Variants in ZMAT1 observed in about 807,000 individuals in gnomAD.
The protein encoded by ZMAT1 is zinc finger matrin-type 1.
Under a neutral mutation model 18.5 loss-of-function variants are expected in ZMAT1, and 11 were observed. The ratio of observed to expected loss-of-function variants is 0.59; its 90% confidence interval spans 0.37 to 0.98. The LOEUF (loss-of-function observed/expected upper bound fraction) is 0.98, where lower values mean the gene tolerates loss of function less well. ZMAT1 is among the 50% of genes least tolerant of loss of function. The probability of loss-of-function intolerance (pLI) is 0.01; values close to 1 mark genes in which losing one functional copy is unlikely to be tolerated. For missense variants in ZMAT1, 525 were observed against 496.2 expected, an observed-to-expected ratio of 1.06 and a Z score of -0.55; for synonymous variants, 211 against 176.4, an observed-to-expected ratio of 1.20 and a Z score of -1.55.
chrX:101,911,315 A>G (rs1268319818), intron 1 of ZMAT1, among the ~76,000 whole-genome samples: 1 of 112,067 alleles, frequency 8.9e-6, no homozygotes, highest in African/African-American at 3.2e-5. Flanking sequence ...AGGGACATTA[A>G]TGAGCAATAA....
At chrX:101,910,503 TGAG>T (rs1324097516) in intron 1 of ZMAT1, among the ~76,000 whole-genome samples, 1 of 112,648 alleles carries the variant, frequency 8.9e-6, no homozygotes, top group Non-Finnish European at 1.9e-5. Flanking sequence ...GTAGCTGTGT[TGAG>T]GAAACTCAAA....
chrX:101,911,914 T>C (rs1839082524), intron 1 of ZMAT1: 4 of 1,206,869 alleles, frequency 3.3e-6, no homozygotes, highest in Non-Finnish European at 4.5e-6. Flanking sequence ...AAAAGTCCCA[T>C]GGGTGTCACG....
intron 1 of ZMAT1, among the ~76,000 whole-genome samples, chrX:101,928,319 T>G (rs1930178341): frequency 1.8e-5 from 2 of 112,646 alleles, no homozygotes; most frequent in African/African-American, 6.5e-5. Flanking sequence ...CAATAAATGA[T>G]TCCTGAATAC....
At chrX:101,925,841 A>G (rs1930022570) in intron 1 of ZMAT1, among the ~76,000 whole-genome samples, 1 of 112,299 alleles carries the variant, frequency 8.9e-6, no homozygotes, top group Non-Finnish European at 1.9e-5. Context: ...TGTGGTGAGG[A>G]GCCTGTCCTA....
intron 4 of ZMAT1, chrX:101,888,603 T>C (rs761142566): frequency 1.2e-4 from 13 of 112,268 alleles, no homozygotes; most frequent in Non-Finnish European, 2.3e-4. Flanking sequence ...CAGCCACTGT[T>C]GAGCACTTGC....
At chrX:101,890,850 T>C (rs927293158) in intron 4 of ZMAT1, among the ~76,000 whole-genome samples, 2 of 111,224 alleles carry the variant, frequency 1.8e-5, no homozygotes, top group African/African-American at 6.5e-5. Flanking sequence ...GAAAAAAGCA[T>C]AGACGTGCTT....
At chrX:101,927,161 C>A (rs1930104776) in intron 1 of ZMAT1, among the ~76,000 whole-genome samples, 1 of 112,405 alleles carries the variant, frequency 8.9e-6, no homozygotes, top group Non-Finnish European at 1.9e-5. Flanking sequence ...TTAAAAAAAA[C>A]TGACTTGACC....
intron 1 of ZMAT1, among the ~76,000 whole-genome samples, chrX:101,930,212 G>C (rs998606590): frequency 1.8e-5 from 2 of 111,867 alleles, no homozygotes; most frequent in East Asian, 2.8e-4. Context: ...CAGACGATGA[G>C]AGCCAAATTG....
intron 1 of ZMAT1, among the ~76,000 whole-genome samples, chrX:101,914,009 G>C (rs1929134441): frequency 9.0e-6 from 1 of 111,339 alleles, no homozygotes; most frequent in Non-Finnish European, 1.9e-5. Context: ...AACCACAATG[G>C]AATAAAACTA....
intron 4 of ZMAT1, among the ~76,000 whole-genome samples, chrX:101,897,542 T>C (rs1160650064): frequency 2.0e-5 from 2 of 101,765 alleles, no homozygotes; most frequent in African/African-American, 3.6e-5. Context: ...AAAGTGTCTA[T>C]CTAAAAAAAA....
chrX:101,893,604 C>T (rs941781970), intron 4 of ZMAT1, among the ~76,000 whole-genome samples: 2 of 111,590 alleles, frequency 1.8e-5, no homozygotes, highest in African/African-American at 6.5e-5. Context: ...TTGAAGTGGT[C>T]CTATTTCTGT....
At chrX:101,888,071 CATGATTCA>C (rs1927093551) in intron 4 of ZMAT1, 1 of 111,711 alleles carries the variant, frequency 9.0e-6, no homozygotes. Flanking sequence ...CCCTGGAGAA[CATGATTCA>C]ATGTTTCTAG....
intron 1 of ZMAT1, among the ~76,000 whole-genome samples, chrX:101,912,900 T>C (rs1377284661): frequency 8.9e-6 from 1 of 112,206 alleles, no homozygotes; most frequent in Non-Finnish European, 1.9e-5. Context: ...TTTACTGCTC[T>C]GTTCTCCCTC....
At chrX:101,927,211 T>C (rs751573507) in intron 1 of ZMAT1, among the ~76,000 whole-genome samples, 1 of 112,611 alleles carries the variant, frequency 8.9e-6, no homozygotes, top group African/African-American at 3.2e-5. Context: ...TAGAAAAGAA[T>C]GAGCAGAGCA....
At chrX:101,928,965 A>G (rs1372743922) in intron 1 of ZMAT1, among the ~76,000 whole-genome samples, 1 of 111,610 alleles carries the variant, frequency 9.0e-6, no homozygotes, top group Non-Finnish European at 1.9e-5. Flanking sequence ...ACAAAATCTC[A>G]TAATTCCCTT....
rs549138269 is a variant in ZMAT1, at chrX:101,907,500, G to A, written c.293-3170C>T. On this transcript the variant is annotated intron_variant, in intron 1 of 5. Transcript: ENST00000651725. ...AATAAGTCCTTACGTTTCTTTAAAT[G>A]TGCAGACATTAATGTAAGGCAATGA... 2.6e-3 allele frequency among the ~76,000 whole-genome samples: 290 copies of A among 112,487 alleles called. 2 individuals carry two copies. Among genetic ancestry groups the A allele is most frequent in the Non-Finnish European group, 3.9e-3 (210 of 53,300 alleles).
At chrX:101,927,982 C>T (rs1358589608) in intron 1 of ZMAT1, among the ~76,000 whole-genome samples, 1 of 111,951 alleles carries the variant, frequency 8.9e-6, no homozygotes, top group Non-Finnish European at 1.9e-5. Flanking sequence ...CTCCACCTGC[C>T]AAATGCAGAT....
chrX:101,902,406 TA>T (rs1928306443), intron 2 of ZMAT1, among the ~76,000 whole-genome samples: 1 of 112,297 alleles, frequency 8.9e-6, no homozygotes. Context: ...GTTTATGATT[TA>T]AAAATTTTTA....
chrX:101,904,205 TCC>T lies in ZMAT1; in HGVS notation c.399+17_399+18del. 1 of 1,135,021 alleles carries T rather than the reference TCC, an allele frequency of 8.8e-7. No individual in the cohort carries two copies. Among genetic ancestry groups the T allele is most frequent in the Non-Finnish European group, 1.2e-6 (1 of 839,170 alleles). The allele number at this position is 1,135,021 out of a possible 1,213,427, so 93.5% of individuals were successfully genotyped here. ...TTAAAAACCTGCTTTAGACCCTACT[TCC>T]ATTATTTTTAACCTACCTCATAATG... On this transcript the variant is annotated intron_variant, in intron 2 of 5. Transcript: ENST00000651725.
Sources: allele counts gnomAD v4.1 joint callset (sites outside exome capture counted in the v4.1 genomes callset), GRCh38; gene constraint gnomAD v4.1.1; transcripts MANE v1.5; gene names NCBI Gene and HGNC (gene_info 2026-07-23, HGNC 2026-07-21).